The following PASD1 variants were observed in gnomAD, a reference collection of about 807,000 sequenced individuals.
PASD1 encodes the protein PAS domain containing repressor 1, also known as circadian clock protein PASD1.
A neutral mutation model predicts 58.8 loss-of-function variants in PASD1; 13 were observed. The observed-to-expected ratio is 0.22, with a 90% CI of 0.14 to 0.35. The LOEUF (loss-of-function observed/expected upper bound fraction) is 0.35. Among genes scored for constraint, PASD1 ranks in the 10% least tolerant of loss-of-function variants. The pLI, the probability that PASD1 is intolerant of heterozygous loss-of-function variation, is 1.00. For synonymous variants in PASD1, 236 were observed against 216.7 expected, an observed-to-expected ratio of 1.09 and a Z score of -0.78; for missense variants, 734 against 568.3, an observed-to-expected ratio of 1.29 and a Z score of -2.96.
intron 3 of PASD1, among the ~76,000 whole-genome samples, chrX:151,608,957 C>A (rs1007164418): frequency 3.6e-5 from 4 of 111,603 alleles, no homozygotes; most frequent in Admixed American, 2.9e-4. Flanking sequence ...ATTCATCTTA[C>A]CAGAGGTTTG....
At chrX:151,664,857 C>G (rs1602964016) in intron 11 of PASD1, among the ~76,000 whole-genome samples, 2 of 111,395 alleles carry the variant, frequency 1.8e-5, no homozygotes, top group South Asian at 7.9e-4. Context: ...AACATCAGTA[C>G]CAATGTACAG....
At chrX:151,657,027 G>A (rs1298702682) in intron 9 of PASD1, among the ~76,000 whole-genome samples, 3 of 111,472 alleles carry the variant, frequency 2.7e-5, no homozygotes, top group Non-Finnish European at 5.7e-5. Flanking sequence ...TTTGAGATAC[G>A]TCCCATCAAT....
At chrX:151,620,390 G>C in intron 4 of PASD1, among the ~76,000 whole-genome samples, 1 of 110,358 alleles carries the variant, frequency 9.1e-6, no homozygotes, top group Middle Eastern at 4.6e-3. Context: ...AGGTCTCTAG[G>C]CACAGGAACA....
At chrX:151,617,405 G>A in intron 4 of PASD1, among the ~76,000 whole-genome samples, 1 of 111,414 alleles carries the variant, frequency 9.0e-6, no homozygotes, top group African/African-American at 3.2e-5. Context: ...AGAGAATGTA[G>A]ACTATCAAAA....
At chrX:151,659,927 C>G (rs777203840) in intron 10 of PASD1, 91 bp downstream of exon 10, 117 of 845,473 alleles carry the variant, frequency 1.4e-4, no homozygotes, top group Non-Finnish European at 1.7e-4. Context: ...ATATAATGCT[C>G]TATAATACTG....
rs747103136 is a variant in PASD1, at chrX:151,621,014, C to T, written c.292C>T (p.Pro98Ser). The change falls in exon 5 of 16, where the codon CCT becomes TCT. Residue 98 changes from proline to serine, a missense_variant. Pro to Ser is a moderately conservative substitution (Grantham distance 74). Transcript: ENST00000370357. ...EVYQKIILKF[P>S]LLNSETHIEF... is the part of the protein sequence containing the mutation. ...CTACCAAAAGATTATTCTCAAATTT[C>T]CTTTACTAAACTCAGGTATGTATAT... 8.4e-7 allele frequency: 1 copy of T among 1,189,786 alleles called. No individual in the cohort carries two copies.
intron 1 of PASD1, among the ~76,000 whole-genome samples, chrX:151,592,816 G>A (rs945168914): frequency 1.8e-5 from 2 of 111,732 alleles, no homozygotes; most frequent in African/African-American, 6.5e-5. Flanking sequence ...ATATACAGTG[G>A]AAGATAATGT....
At chrX:151,637,410 G>A (rs772166403) in intron 8 of PASD1, among the ~76,000 whole-genome samples, 2 of 111,425 alleles carry the variant, frequency 1.8e-5, no homozygotes, top group African/African-American at 6.5e-5. Context: ...ACAGAGTCTC[G>A]CTCTTGTCCA....
intron 4 of PASD1, among the ~76,000 whole-genome samples, chrX:151,613,137 G>A (rs1419379213): frequency 1.8e-5 from 2 of 111,339 alleles, no homozygotes; most frequent in African/African-American, 6.5e-5. Flanking sequence ...TAGATACGTG[G>A]CATTATTTCT....
chrX:151,605,779 C>T (rs1472728706), intron 3 of PASD1, among the ~76,000 whole-genome samples: 1 of 110,134 alleles, frequency 9.1e-6, no homozygotes, highest in Non-Finnish European at 1.9e-5. Context: ...TGTTTCATTA[C>T]ATCTCACTCT....
chrX:151,595,809 G>A (rs992322769), intron 1 of PASD1, among the ~76,000 whole-genome samples: 1 of 111,615 alleles, frequency 9.0e-6, no homozygotes, highest in African/African-American at 3.3e-5. Flanking sequence ...CTGATACTCT[G>A]CTCCACAAAT....
At chrX:151,642,888 G>A (rs2014014576) in intron 8 of PASD1, among the ~76,000 whole-genome samples, 1 of 111,470 alleles carries the variant, frequency 9.0e-6, no homozygotes, top group African/African-American at 3.3e-5. Context: ...AGGGGAACTT[G>A]CAATGGGGAA....
intron 1 of PASD1, among the ~76,000 whole-genome samples, chrX:151,600,345 C>T (rs1357468566): frequency 9.1e-6 from 1 of 110,242 alleles, no homozygotes; most frequent in Admixed American, 9.6e-5. Context: ...GAGATTATTT[C>T]CTTATGTATT....
intron 1 of PASD1, among the ~76,000 whole-genome samples, chrX:151,571,173 A>G (rs776442767): frequency 2.4e-4 from 27 of 112,405 alleles, no homozygotes; most frequent in South Asian, 3.7e-4. Flanking sequence ...GCAAACTTGC[A>G]CTTAAGACAT....
intron 4 of PASD1, 59 bp downstream of exon 4, chrX:151,611,812 T>C: frequency 1.1e-6 from 1 of 879,608 alleles, no homozygotes; most frequent in Non-Finnish European, 1.6e-6. Flanking sequence ...TAGGGGTTCA[T>C]TATTTATTTT....
intron 8 of PASD1, among the ~76,000 whole-genome samples, chrX:151,642,686 C>T (rs2014012314): frequency 8.9e-6 from 1 of 112,229 alleles, no homozygotes; most frequent in Non-Finnish European, 1.9e-5. Context: ...TTACCATTTT[C>T]CCCAAACTTA....
chrX:151,671,068 G>T lies in PASD1; in HGVS notation c.1102G>T (p.Asp368Tyr). 2.5e-6 allele frequency: 3 copies of T among 1,211,221 alleles called. No individual in the cohort carries two copies. The highest frequency in any genetic ancestry group is 1.8e-5 in the South Asian group (1 of 56,764). The change falls in exon 12 of 16, where the codon GAC becomes TAC. Residue 368 changes from aspartate to tyrosine, a missense_variant. Coordinates refer to ENST00000370357, the MANE Select transcript of PASD1 (RefSeq NM_173493.3). ...PLQPSSPVAY[D>Y]IISQELELMK... Reference sequence around the variant, plus strand: ...ACAGCCATCATCACCAGTTGCATATGACATCATTAGCCAGGAACTGGAACT... The same window carrying T: ...ACAGCCATCATCACCAGTTGCATATTACATCATTAGCCAGGAACTGGAACT...
intron 2 of PASD1, among the ~76,000 whole-genome samples, chrX:151,602,712 TAAG>T (rs370479799): frequency 0.32 from 33,004 of 102,774 alleles, 4,529 homozygotes; most frequent in Non-Finnish European, 0.37. Context: ...ATAATAATAA[TAAG>T]AAGAAGAAGA....
intron 2 of PASD1, among the ~76,000 whole-genome samples, chrX:151,602,367 T>C (rs1424268951): frequency 1.8e-5 from 2 of 111,262 alleles, no homozygotes; most frequent in African/African-American, 6.6e-5. Context: ...CATAGGGATC[T>C]TGTAAAAACC....
Sources: allele counts gnomAD v4.1 joint callset (sites outside exome capture counted in the v4.1 genomes callset), GRCh38; gene constraint gnomAD v4.1.1; transcripts MANE v1.5; gene names NCBI Gene and HGNC (gene_info 2026-07-23, HGNC 2026-07-21).